The following RECK variants were observed in gnomAD, a reference collection of about 807,000 sequenced individuals.
The protein encoded by RECK is reversion inducing cysteine rich protein with kazal motifs.
Under a neutral mutation model 115.1 loss-of-function variants are expected in RECK, and 69 were observed. That is an observed-to-expected ratio of 0.60 (90% CI 0.49 to 0.73). RECK has a LOEUF of 0.73. RECK is among the 30% of genes least tolerant of loss of function. The probability of loss-of-function intolerance (pLI) is 0.00; values close to 1 mark genes in which losing one functional copy is unlikely to be tolerated. For missense variants in RECK, 1,047 were observed against 1,203.7 expected, an observed-to-expected ratio of 0.87 and a Z score of 1.93; for synonymous variants, 414 against 419.7, an observed-to-expected ratio of 0.99 and a Z score of 0.17.
chr9:36,113,360 TG>T (rs1824136935), intron 16 of RECK, among the ~76,000 whole-genome samples: 1 of 152,158 alleles, frequency 6.6e-6, no homozygotes, highest in African/African-American at 2.4e-5. Context: ...TTAAAATAAA[TG>T]GCAAAGAATT....
chr9:36,097,325 C>A (rs1321596565), intron 10 of RECK, among the ~76,000 whole-genome samples: 1 of 132,226 alleles, frequency 7.6e-6, no homozygotes, highest in African/African-American at 3.1e-5. Context: ...AAGACTCCAT[C>A]TCAAAAAAAA....
In RECK at chr9:36,105,859, C is replaced by G. The variant is rs7873953; in HGVS notation, c.1576+576C>G. 5.7e-3 allele frequency among the ~76,000 whole-genome samples: 862 copies of G among 152,232 alleles called. 7 individuals carry two copies. The highest frequency in any genetic ancestry group is 0.02 in the African/African-American group (823 of 41,538). On this transcript the variant is annotated intron_variant, in intron 13 of 20. Transcript: ENST00000377966. ...TCCCTTTAGAATATAGTTGTTGCAA[C>G]ATTTTGCTTCTTTTTATCTATTTCC...
In RECK at chr9:36,109,985, C is replaced by T. The variant is rs199987061; in HGVS notation, c.1794C>T (p.Cys598=). The T allele has an allele frequency of 1.2e-6, 2 of 1,613,184 alleles. No homozygotes were observed. The highest frequency in any genetic ancestry group is 1.7e-6 in the Non-Finnish European group (2 of 1,179,162). Residue 598 remains cysteine, a synonymous_variant, in exon 15 of 21, where the codon TGC becomes TGT. Transcript: ENST00000377966. ...KSHGTSFSID[C]NVCSCFAGNL... ...ATGGAACATCCTTTAGTATTGACTG[C>T]AATGTCTGTTCTTGTTTTGCTGGCA... is the stretch of plus-strand genomic sequence containing the variant.
chr9:36,096,944 A>ACG (rs1588323552), intron 10 of RECK, among the ~76,000 whole-genome samples: 1 of 151,872 alleles, frequency 6.6e-6, no homozygotes. Flanking sequence ...ACACACACAC[A>ACG]TATTTGTCAA....
intron 1 of RECK, among the ~76,000 whole-genome samples, chr9:36,039,697 A>C (rs1820802891): frequency 6.6e-6 from 1 of 152,222 alleles, no homozygotes; most frequent in Non-Finnish European, 1.5e-5. Context: ...TATAACCTTA[A>C]GGGCCAGGTT....
chr9:36,040,517 A>C (rs1037577735), intron 1 of RECK, among the ~76,000 whole-genome samples: 20 of 152,168 alleles, frequency 1.3e-4, no homozygotes, highest in African/African-American at 4.8e-4. Flanking sequence ...AAAAAACCAC[A>C]TAAGGATTAT....
rs1467192040 is a variant in RECK, at chr9:36,111,018, A to T, written c.1888+939A>T. ...TGCCCTGCTCAAGCAAGGACTATTC[A>T]TTCTGCTTAGAGAAACCATAGAGGG... On this transcript the variant is annotated intron_variant, in intron 15 of 20. Coordinates refer to ENST00000377966, the MANE Select transcript of RECK (RefSeq NM_021111.3). 2.0e-5 allele frequency among the ~76,000 whole-genome samples: 3 copies of T among 152,378 alleles called. No individual in the cohort carries two copies. In the South Asian group the frequency reaches 6.2e-4, roughly 32 times the overall value.
rs970573611 is a variant in RECK, at chr9:36,124,205, T to A, written c.*1160T>A. 4.6e-5 allele frequency: 7 copies of A among 152,670 alleles called. No homozygotes were observed. Among genetic ancestry groups the A allele is most frequent in the Admixed American group, 3.9e-4 (6 of 15,288 alleles). The allele number at this position is 152,670 out of a possible 1,614,324, so 9.5% of individuals were successfully genotyped here. On this transcript the variant is annotated 3_prime_UTR_variant, in exon 21 of 21. Coordinates refer to ENST00000377966, the MANE Select transcript of RECK (RefSeq NM_021111.3). ...GAAATAAGCTATTTGATGTAATACT[T>A]CTTGTGTGTATGCACATGAACTTAG...
chr9:36,060,822 A>G (rs576530039), intron 4 of RECK, among the ~76,000 whole-genome samples: 33 of 152,254 alleles, frequency 2.2e-4, no homozygotes, highest in Middle Eastern at 3.4e-3. Context: ...TAACTTCTAG[A>G]TATCTTTGTA....
In RECK at chr9:36,037,049, C is replaced by T. The variant is rs1564092589; in HGVS notation, c.51C>T (p.Ala17=). Residue 17 remains alanine, a synonymous_variant, in exon 1 of 21, where the codon GCC becomes GCT. Transcript: ENST00000377966. ...SLRGALLLLL[A]VAGVAEVAGG... is the part of the protein sequence containing the mutation. The stretch of plus-strand genomic sequence containing the variant: ...GAGGTGCGCTGCTCCTTCTGCTGGC[C>T]GTGGCGGGGGTCGCGGAGGTGGCAG... 1.4e-6 allele frequency: 2 copies of T among 1,402,582 alleles called. No individual in the cohort carries two copies. The highest frequency in any genetic ancestry group is 3.1e-5 in the East Asian group (1 of 32,362). The allele number at this position is 1,402,582 out of a possible 1,614,324, so 86.9% of individuals were successfully genotyped here. A position where few individuals can be genotyped will look rare whatever the true frequency, so the allele number is the denominator to read the frequency against.
intron 4 of RECK, among the ~76,000 whole-genome samples, chr9:36,062,372 C>G (rs7043696): frequency 0.025 from 3,876 of 152,086 alleles, 170 homozygotes; most frequent in African/African-American, 0.087. Context: ...TGTTGGTCAG[C>G]CTGATCTTGA....
intron 13 of RECK, 37 bp downstream of exon 13, chr9:36,105,320 G>A: frequency 1.2e-6 from 2 of 1,605,632 alleles, no homozygotes; most frequent in Non-Finnish European, 8.5e-7. Context: ...GGATGGATAG[G>A]TGCTGCTAGT....
intron 4 of RECK, among the ~76,000 whole-genome samples, chr9:36,061,604 T>C (rs1220324014): frequency 6.6e-6 from 1 of 152,216 alleles, no homozygotes; most frequent in African/African-American, 2.4e-5. Context: ...GGCCACTGGA[T>C]ACCTGGAAAC....
At chr9:36,075,171 A>G (rs1245478567) in intron 6 of RECK, among the ~76,000 whole-genome samples, 1 of 152,262 alleles carries the variant, frequency 6.6e-6, no homozygotes, top group African/African-American at 2.4e-5. Context: ...AAGCAAGGCA[A>G]GTCACATGGC....
chr9:36,044,869 G>A (rs929674760), intron 1 of RECK, among the ~76,000 whole-genome samples: 5 of 152,146 alleles, frequency 3.3e-5, no homozygotes, highest in Admixed American at 3.3e-4. Flanking sequence ...GAAGGCTAGA[G>A]AAAGACTTTG....
intron 15 of RECK, among the ~76,000 whole-genome samples, chr9:36,111,800 C>T (rs1440236089): frequency 6.6e-6 from 1 of 152,006 alleles, no homozygotes; most frequent in African/African-American, 2.4e-5. Context: ...GAGAAACAGT[C>T]TTTACTTTCC....
intron 11 of RECK, among the ~76,000 whole-genome samples, chr9:36,101,055 C>G (rs1823549308): frequency 6.6e-6 from 1 of 152,028 alleles, no homozygotes; most frequent in Non-Finnish European, 1.5e-5. Context: ...CAACCTCCAC[C>G]TCCCAGGTTC....
In RECK at chr9:36,123,079, T is replaced by C; in HGVS notation, c.*34T>C. On this transcript the variant is annotated 3_prime_UTR_variant, in exon 21 of 21. Transcript: ENST00000377966. ...GGAAAGTGCAGAATGCTCCTCCACC[T>C]CACTCTCCTGCCTTGAAAAAGACAT... 6.5e-7 allele frequency: 1 copy of C among 1,540,004 alleles called. No homozygotes were observed. Among genetic ancestry groups the C allele is most frequent in the Non-Finnish European group, 8.9e-7 (1 of 1,120,490 alleles).
intron 2 of RECK, among the ~76,000 whole-genome samples, chr9:36,058,428 C>G (rs1224077291): frequency 7.7e-6 from 1 of 130,642 alleles, no homozygotes; most frequent in Admixed American, 8.6e-5. Flanking sequence ...CGCATATTCT[C>G]ACTCATAGGT....
Sources: allele counts gnomAD v4.1 joint callset (sites outside exome capture counted in the v4.1 genomes callset), GRCh38; gene constraint gnomAD v4.1.1; transcripts MANE v1.5; gene names NCBI Gene and HGNC (gene_info 2026-07-23, HGNC 2026-07-21).